The following FAM13A variants were observed in gnomAD, a reference collection of about 807,000 sequenced individuals.
The protein encoded by FAM13A is protein FAM13A.
In FAM13A, 76 loss-of-function variants were observed where a neutral mutation model predicts 129.6. That is an observed-to-expected ratio of 0.59 (90% CI 0.49 to 0.71). FAM13A has a LOEUF of 0.71. FAM13A is among the 30% of genes least tolerant of loss of function. The pLI is 0.00. For missense variants in FAM13A, 1,108 were observed against 1,249.3 expected, an observed-to-expected ratio of 0.89 and a Z score of 1.70; for synonymous variants, 443 against 449.9, an observed-to-expected ratio of 0.98 and a Z score of 0.20.
chr4:88,920,363 A>G (rs1232035242), intron 5 of FAM13A, among the ~76,000 whole-genome samples: 13 of 152,154 alleles, frequency 8.5e-5, no homozygotes, highest in Non-Finnish European at 1.9e-4. Flanking sequence ...CTTTCAGAGG[A>G]ACGATCAGAC....
intron 11 of FAM13A, among the ~76,000 whole-genome samples, chr4:88,775,708 T>TA (rs35033813): frequency 1.3e-4 from 19 of 151,234 alleles, no homozygotes; most frequent in African/African-American, 2.9e-4. Flanking sequence ...CTCTGCCTCT[T>TA]AAAAAAAAAT....
chr4:88,773,937 T>C (rs72870541), intron 11 of FAM13A, among the ~76,000 whole-genome samples: 13,077 of 152,150 alleles, frequency 0.086, 990 homozygotes, highest in East Asian at 0.31. Flanking sequence ...TGTGGCTCCT[T>C]ATCCTACTTA....
intron 8 of FAM13A, among the ~76,000 whole-genome samples, chr4:88,797,300 G>A (rs1311926735): frequency 2.8e-5 from 4 of 141,140 alleles, no homozygotes; most frequent in Non-Finnish European, 6.1e-5. Flanking sequence ...ACAGTGTCTT[G>A]CTCCGTCACC....
intron 4 of FAM13A, among the ~76,000 whole-genome samples, chr4:88,941,867 A>T (rs1277200604): frequency 6.6e-6 from 1 of 152,166 alleles, no homozygotes; most frequent in Non-Finnish European, 1.5e-5. Flanking sequence ...AGTCATTGGC[A>T]AAAAAAGATG....
intron 6 of FAM13A, among the ~76,000 whole-genome samples, chr4:88,878,700 T>G (rs1236945114): frequency 6.6e-6 from 1 of 152,250 alleles, no homozygotes; most frequent in African/African-American, 2.4e-5. Context: ...CAATATTTAG[T>G]GATTGCCTTA....
chr4:88,993,686 T>C (rs531349400), intron 3 of FAM13A, among the ~76,000 whole-genome samples: 3 of 152,258 alleles, frequency 2.0e-5, no homozygotes, highest in African/African-American at 7.2e-5. Context: ...GAGAGTTTCA[T>C]GTTTAGCAAA....
chr4:89,039,689 G>C (rs566545354), intron 1 of FAM13A, among the ~76,000 whole-genome samples: 2 of 152,258 alleles, frequency 1.3e-5, no homozygotes, highest in South Asian at 4.1e-4. Flanking sequence ...TTGAGGCAAG[G>C]AGTTTGAGAC....
chr4:89,005,209 C>T (rs1182014811), intron 3 of FAM13A, among the ~76,000 whole-genome samples: 1 of 152,162 alleles, frequency 6.6e-6, no homozygotes, highest in African/African-American at 2.4e-5. Flanking sequence ...GGATAATAGC[C>T]TCTAGCTCCA....
At chr4:89,029,363 G>A (rs1560871285) in intron 2 of FAM13A, 97 bp downstream of exon 2, 2 of 984,544 alleles carry the variant, frequency 2.0e-6, no homozygotes, top group Non-Finnish European at 3.1e-6. Context: ...GTGCTTTAGA[G>A]GATAGCCTAA....
At chr4:88,782,206 A>C (rs1044183297) in intron 10 of FAM13A, among the ~76,000 whole-genome samples, 2 of 152,094 alleles carry the variant, frequency 1.3e-5, no homozygotes, top group African/African-American at 2.4e-5. Flanking sequence ...ATAGAATTTA[A>C]TTCATTTGAT....
At chr4:89,008,128 C>A (rs1375510516) in intron 3 of FAM13A, among the ~76,000 whole-genome samples, 2 of 152,028 alleles carry the variant, frequency 1.3e-5, no homozygotes, top group African/African-American at 2.4e-5. Context: ...AATTAACATC[C>A]CACTGCAGGC....
At chr4:89,033,333 T>TA (rs1274123765) in intron 1 of FAM13A, among the ~76,000 whole-genome samples, 1 of 152,126 alleles carries the variant, frequency 6.6e-6, no homozygotes, top group African/African-American at 2.4e-5. Context: ...TTAAATCCTA[T>TA]AAAAAAGAAA....
At chr4:88,848,288 G>A (rs1737013497) in intron 7 of FAM13A, among the ~76,000 whole-genome samples, 1 of 152,190 alleles carries the variant, frequency 6.6e-6, no homozygotes, top group East Asian at 1.9e-4. Flanking sequence ...CAGCGCTCAA[G>A]CTGCGTTACA....
chr4:88,793,697 T>C (rs1423666688), intron 8 of FAM13A, among the ~76,000 whole-genome samples: 1 of 152,004 alleles, frequency 6.6e-6, no homozygotes, highest in Non-Finnish European at 1.5e-5. Context: ...TAGTTTCTTT[T>C]ACCTCTAAAA....
In FAM13A at chr4:88,801,277, G is replaced by A. The variant is rs1174671272; in HGVS notation, c.1049+3734C>T. On this transcript the variant is annotated intron_variant, in intron 8 of 23. Coordinates refer to ENST00000264344, the MANE Select transcript of FAM13A (RefSeq NM_014883.4). ...GTACAGTTATGAGACTGAGAAAATC[G>A]ATAGTTCCCAGGCTCTAGCAATTAA... Among the ~76,000 whole-genome samples, 5 of 152,248 alleles carry A rather than the reference G, an allele frequency of 3.3e-5. No individual in the cohort carries two copies. In the East Asian group the frequency reaches 5.8e-4, roughly 18 times the overall value.
chr4:89,053,618 C>T (rs1009598540), intron 1 of FAM13A, among the ~76,000 whole-genome samples: 9 of 151,988 alleles, frequency 5.9e-5, no homozygotes, highest in Admixed American at 3.3e-4. Flanking sequence ...AGAAAGGCTA[C>T]GAGGCCTGGG....
chr4:88,942,309 A>C (rs1754893017), intron 4 of FAM13A, among the ~76,000 whole-genome samples: 1 of 152,096 alleles, frequency 6.6e-6, no homozygotes, highest in African/African-American at 2.4e-5. Flanking sequence ...GCTCATGCCT[A>C]TAATCTCAGC....
chr4:88,855,572 C>A (rs541010869), intron 6 of FAM13A: 1 of 152,028 alleles, frequency 6.6e-6, no homozygotes, highest in Admixed American at 6.5e-5. Context: ...ATATATACCT[C>A]CAATAAAACT....
intron 3 of FAM13A, among the ~76,000 whole-genome samples, chr4:89,004,731 T>TA (rs1764762584): frequency 6.6e-6 from 1 of 152,088 alleles, no homozygotes. Context: ...TTTCTTTTTA[T>TA]AACCAAGAAA....
Sources: gnomAD v4.1 joint callset for allele counts (sites outside exome capture counted in the v4.1 genomes callset) on GRCh38, gnomAD v4.1.1 for gene constraint, MANE v1.5 for transcripts, NCBI Gene and HGNC (gene_info 2026-07-23, HGNC 2026-07-21) for gene names.